ADK: variants seen among roughly 807,000 people sequenced by gnomAD.
The protein encoded by ADK is N6,N6-dimethyladenosine kinase.
Under a neutral mutation model 44.7 loss-of-function variants are expected in ADK, and 24 were observed. That is an observed-to-expected ratio of 0.54 (90% CI 0.39 to 0.76). The LOEUF is 0.76. ADK is among the 30% of genes least tolerant of loss of function. The probability of loss-of-function intolerance (pLI) is 0.00; values close to 1 mark genes in which losing one functional copy is unlikely to be tolerated. For missense variants in ADK, 321 were observed against 425.1 expected, an observed-to-expected ratio of 0.76 and a Z score of 2.15; for synonymous variants, 128 against 142.6, an observed-to-expected ratio of 0.90 and a Z score of 0.73.
At chr10:74,440,991 A>C (rs973136153) in intron 6 of ADK, among the ~76,000 whole-genome samples, 4 of 152,182 alleles carry the variant, frequency 2.6e-5, no homozygotes, top group Non-Finnish European at 5.9e-5. Flanking sequence ...TGTAATATAA[A>C]CAAGAGTGAT....
At chr10:74,484,010 G>A (rs555653341) in intron 6 of ADK, among the ~76,000 whole-genome samples, 63 of 152,088 alleles carry the variant, frequency 4.1e-4, no homozygotes, top group Non-Finnish European at 7.5e-4. Flanking sequence ...CTGTTCCAAC[G>A]TTGCTTCCAC....
At chr10:74,623,771 A>G (rs950181968) in intron 9 of ADK, among the ~76,000 whole-genome samples, 3 of 151,880 alleles carry the variant, frequency 2.0e-5, no homozygotes, top group Non-Finnish European at 4.4e-5. Context: ...TAGAAAATTT[A>G]TTCATTTTGG....
intron 9 of ADK, among the ~76,000 whole-genome samples, chr10:74,646,153 T>C (rs1395641460): frequency 1.3e-5 from 2 of 152,222 alleles, no homozygotes; most frequent in African/African-American, 2.4e-5. Context: ...TTGTCACTTA[T>C]TATAGAGTGG....
intron 6 of ADK, among the ~76,000 whole-genome samples, chr10:74,438,983 C>T (rs1033466378): frequency 2.0e-5 from 3 of 152,154 alleles, no homozygotes; most frequent in Non-Finnish European, 4.4e-5. Context: ...ACATTCTGAA[C>T]CAAAATTTAA....
chr10:74,508,237 A>G (rs981649033), intron 6 of ADK: 4 of 152,170 alleles, frequency 2.6e-5, no homozygotes, highest in Non-Finnish European at 4.4e-5. Flanking sequence ...GAAAGGAGGC[A>G]GGGATAGCTT....
intron 6 of ADK, among the ~76,000 whole-genome samples, chr10:74,433,353 T>A (rs1187288888): frequency 6.6e-6 from 1 of 152,248 alleles, no homozygotes; most frequent in East Asian, 1.9e-4. Context: ...GCTCTAATGC[T>A]AACCAAAGTG....
chr10:74,695,619 G>GGGGTGTGT (rs1480624866), intron 10 of ADK, among the ~76,000 whole-genome samples: 9 of 90,072 alleles, frequency 1.0e-4, no homozygotes, highest in Non-Finnish European at 1.5e-4. Flanking sequence ...GTATGTGTGG[G>GGGGTGTGT]GTGTGTGTGT....
intron 2 of ADK, among the ~76,000 whole-genome samples, chr10:74,208,012 AG>A (rs1843665527): frequency 6.6e-6 from 1 of 152,164 alleles, no homozygotes; most frequent in African/African-American, 2.4e-5. Context: ...CTGAGGGGGC[AG>A]GGGGCTGGTA....
intron 4 of ADK, among the ~76,000 whole-genome samples, chr10:74,330,014 A>G (rs1218416328): frequency 6.6e-6 from 1 of 151,942 alleles, no homozygotes; most frequent in Non-Finnish European, 1.5e-5. Context: ...ATAAAAAAAA[A>G]AAAATTAGCC....
At chr10:74,570,254 C>T (rs1239480846) in intron 7 of ADK, among the ~76,000 whole-genome samples, 9 of 152,048 alleles carry the variant, frequency 5.9e-5, no homozygotes, top group Admixed American at 1.3e-4. Flanking sequence ...CTTGGCGATG[C>T]GGGCTCTTTT....
At chr10:74,554,829 C>T (rs1286449329) in intron 7 of ADK, among the ~76,000 whole-genome samples, 4 of 151,012 alleles carry the variant, frequency 2.6e-5, no homozygotes, top group African/African-American at 9.7e-5. Context: ...TTTTCTTTCC[C>T]ACAGAATATC....
chr10:74,576,832 C>A (rs553485120), intron 7 of ADK, among the ~76,000 whole-genome samples: 2 of 152,048 alleles, frequency 1.3e-5, no homozygotes, highest in African/African-American at 4.8e-5. Flanking sequence ...GTCATGGAGA[C>A]TACAGAATAC....
Position 74,525,429 on chromosome 10 carries a change from G to A in ADK, c.726+3G>A, listed in dbSNP as rs1848998691. The A allele has an allele frequency of 2.5e-6, 4 of 1,609,498 alleles. No individual in the cohort carries two copies. The African/African-American group carries it at 4.0e-5, about 16-fold the overall frequency. On this transcript the variant is annotated splice_donor_region_variant and intron_variant, in intron 7 of 10. Coordinates refer to ENST00000539909, the MANE Select transcript of ADK (RefSeq NM_006721.4). ...ATATACTTTTTGGAAATGAGACAGT[G>A]AGTTACCTTTCCTTTTTCAAAAGAA...
chr10:74,447,361 T>C (rs1845623007), intron 6 of ADK, among the ~76,000 whole-genome samples: 2 of 152,152 alleles, frequency 1.3e-5, no homozygotes, highest in Non-Finnish European at 2.9e-5. Flanking sequence ...TAAGGTTTAT[T>C]AGGCAGAGTC....
At chr10:74,501,721 A>C (rs935257578) in intron 6 of ADK, among the ~76,000 whole-genome samples, 1 of 152,198 alleles carries the variant, frequency 6.6e-6, no homozygotes, top group Non-Finnish European at 1.5e-5. Context: ...GTGAACCTCA[A>C]TATCAAGAAA....
chr10:74,155,673 C>T (rs376926564), intron 1 of ADK, among the ~76,000 whole-genome samples: 46 of 152,126 alleles, frequency 3.0e-4, no homozygotes, highest in African/African-American at 1.0e-3. Context: ...GGACTACAGG[C>T]GCCTGCCATC....
intron 4 of ADK, among the ~76,000 whole-genome samples, chr10:74,365,383 AC>A (rs1842466000): frequency 6.6e-6 from 1 of 152,052 alleles, no homozygotes; most frequent in African/African-American, 2.4e-5. Context: ...ACTATATGTG[AC>A]CTTTTCTGTC....
intron 6 of ADK, among the ~76,000 whole-genome samples, chr10:74,513,727 A>G (rs1201126232): frequency 1.3e-5 from 2 of 151,934 alleles, no homozygotes; most frequent in East Asian, 1.9e-4. Context: ...TCTATTTACA[A>G]TCGTGTTATT....
chr10:74,708,289 TAC>T, intron 10 of ADK, 30 bp from the exon 11 acceptor site: 2 of 1,601,316 alleles, frequency 1.2e-6, no homozygotes, highest in Non-Finnish European at 1.7e-6. Context: ...TGTTATACAA[TAC>T]TCATGTGTTT....
Sources: gnomAD v4.1 joint callset for allele counts (sites outside exome capture counted in the v4.1 genomes callset) on GRCh38, gnomAD v4.1.1 for gene constraint, MANE v1.5 for transcripts, NCBI Gene and HGNC (gene_info 2026-07-23, HGNC 2026-07-21) for gene names.